Variants in C16orf96 observed in about 807,000 individuals in gnomAD.
The protein encoded by C16orf96 is uncharacterized protein C16orf96.
C16orf96 carries 108 observed loss-of-function variants against 103.6 expected under a neutral mutation model. The observed-to-expected ratio is 1.04, with a 90% confidence interval of 0.89 to 1.22. C16orf96 has a LOEUF of 1.22. Ranked by LOEUF, C16orf96 falls within the 50% of genes most tolerant of loss-of-function variation. The pLI, the probability that C16orf96 is intolerant of heterozygous loss-of-function variation, is 0.00. For missense variants in C16orf96, 1,586 were observed against 1,464.2 expected (o/e 1.08, Z -1.36); for synonymous variants, 566 against 593.5 (o/e 0.95, Z 0.67).
chr16:4,563,233 G>A lies in C16orf96; in HGVS notation c.420+6324G>A, dbSNP rs765382743. ...CTAGCAGTGGAACACCCTCTTGCTC[G>A]TTCGCTCATGACTGACTCGTTTGTT... On this transcript the variant is annotated intron_variant, in intron 1 of 15. Transcript: ENST00000444310. 188 of 522,488 alleles carry A rather than the reference G, an allele frequency of 3.6e-4. 1 individual carries two copies. The highest frequency in any genetic ancestry group is 2.0e-4 in the Admixed American group (7 of 35,118). 32.4% of individuals were successfully genotyped at this position (522,488 alleles called of 1,614,324 possible). A position where few individuals can be genotyped will look rare whatever the true frequency, so the allele number is the denominator to read the frequency against.
intron 6 of C16orf96, among the ~76,000 whole-genome samples, chr16:4,579,275 C>T (rs2059553400): frequency 6.6e-6 from 1 of 151,932 alleles, no homozygotes; most frequent in Non-Finnish European, 1.5e-5. Flanking sequence ...CAGGTGAAGC[C>T]GGTGCGGTGG....
chr16:4,580,575 G>A (rs1048479778), intron 7 of C16orf96, among the ~76,000 whole-genome samples: 10 of 151,804 alleles, frequency 6.6e-5, no homozygotes, highest in East Asian at 5.8e-4. Context: ...GGCTGGGTGC[G>A]GTGGCTCACA....
intron 9 of C16orf96, among the ~76,000 whole-genome samples, chr16:4,590,628 T>C (rs1897035312): frequency 6.6e-6 from 1 of 151,952 alleles, no homozygotes; most frequent in Admixed American, 6.6e-5. Context: ...CTCACACCTG[T>C]AATCCCAGCA....
Position 4,581,180 on chromosome 16 carries a change from AT to A in C16orf96, c.2352+1056del, listed in dbSNP as rs1567450539. On this transcript the variant is annotated intron_variant, in intron 7 of 15. Transcript: ENST00000444310. Reference sequence around the variant, plus strand: ...TATATATATATATATATATATATATATATAATTAGCCAGGCGTAGTGGCACA... The same window carrying A: ...TATATATATATATATATATATATATAATAATTAGCCAGGCGTAGTGGCACA... Among the ~76,000 whole-genome samples the A allele has an allele frequency of 7.2e-4, 93 of 128,626 alleles. 1 individual carries two copies. The highest frequency in any genetic ancestry group is 5.0e-3 in the Admixed American group (62 of 12,412). The allele number at this position is 128,626 out of a possible 152,430, so 84.4% of individuals were successfully genotyped here.
intron 12 of C16orf96, 57 bp from the exon 13 acceptor site, chr16:4,594,294 C>T: frequency 1.3e-6 from 2 of 1,532,134 alleles, no homozygotes; most frequent in Non-Finnish European, 1.8e-6. Flanking sequence ...TGGGGCCCGT[C>T]CTGGGCTCTG....
At chr16:4,555,049 G>C (rs1037641002), upstream of C16orf96, among the ~76,000 whole-genome samples, 1 of 151,772 alleles carries the variant, frequency 6.6e-6, no homozygotes, top group Non-Finnish European at 1.5e-5. Flanking sequence ...GATCACCTGA[G>C]GTCGGGAGTT....
intron 5 of C16orf96, among the ~76,000 whole-genome samples, chr16:4,578,349 GC>G: frequency 6.6e-6 from 1 of 152,028 alleles, no homozygotes; most frequent in East Asian, 2.0e-4. Flanking sequence ...TTCCATTTTG[GC>G]CAGGCTGGTC....
chr16:4,555,948 C>T (rs1389229743), upstream of C16orf96, among the ~76,000 whole-genome samples: 1 of 152,102 alleles, frequency 6.6e-6, no homozygotes, highest in Non-Finnish European at 1.5e-5. Flanking sequence ...GTCCTCCCGC[C>T]TTTGCCTCCC....
the C16orf96 span, among the ~76,000 whole-genome samples, chr16:4,545,060 G>A: frequency 6.6e-6 from 1 of 152,096 alleles, no homozygotes; most frequent in African/African-American, 2.4e-5. Context: ...ATTCATAATA[G>A]CCAAAAAGTC....
At chr16:4,564,770 C>T (rs925778552) in intron 1 of C16orf96, among the ~76,000 whole-genome samples, 16 of 152,176 alleles carry the variant, frequency 1.1e-4, no homozygotes, top group African/African-American at 3.4e-4. Context: ...GAGATCGCGC[C>T]GCTGCACTCC....
chr16:4,595,708 G>GTTGTTGT (rs890795191), intron 14 of C16orf96, among the ~76,000 whole-genome samples: 1 of 151,776 alleles, frequency 6.6e-6, no homozygotes, highest in African/African-American at 2.4e-5. Context: ...TGTTGTTGTT[G>GTTGTTGT]TTGTTTGTTT....
chr16:4,588,567 A>G (rs935113551), intron 9 of C16orf96, among the ~76,000 whole-genome samples: 1 of 152,128 alleles, frequency 6.6e-6, no homozygotes, highest in Non-Finnish European at 1.5e-5. Context: ...ATTCCCTCAC[A>G]TGGCTGTTGG....
rs978844434 is a variant in C16orf96 at position 4,556,621 on chromosome 16, A to G, written c.132A>G (p.Lys44=). The G allele has an allele frequency of 6.4e-7, 1 of 1,551,750 alleles. No individual in the cohort carries two copies. The highest frequency in any genetic ancestry group is 8.7e-7 in the Non-Finnish European group (1 of 1,146,998). ...LEHIHMAELK[K]VLSGDEDFLQ... is the part of the protein sequence containing the mutation. ...ACATCCACATGGCCGAGCTCAAGAA[A>G]GTCCTCTCAGGCGATGAGGACTTCC... Residue 44 remains lysine, a synonymous_variant, in exon 1 of 16, where the codon AAA becomes AAG. Coordinates refer to ENST00000444310, the MANE Select transcript of C16orf96 (RefSeq NM_001145011.2).
chr16:4,556,704 A>T lies in C16orf96; in HGVS notation c.215A>T (p.Asn72Ile). ...PREGDAQPIL[N>I]PMKRLSNVFD... The stretch of plus-strand genomic sequence containing the variant: ...GAAGGAGACGCCCAGCCTATCCTCA[A>T]CCCCATGAAGAGGCTCAGCAATGTC... The change falls in exon 1 of 16, where the codon AAC becomes ATC. Residue 72 changes from asparagine to isoleucine, a missense_variant. Transcript: ENST00000444310. The T allele has an allele frequency of 6.4e-7, 1 of 1,551,506 alleles. No individual in the cohort carries two copies. Among genetic ancestry groups the T allele is most frequent in the Non-Finnish European group, 8.7e-7 (1 of 1,146,926 alleles).
chr16:4,557,846 T>C (rs2059282821), intron 1 of C16orf96, among the ~76,000 whole-genome samples: 1 of 152,102 alleles, frequency 6.6e-6, no homozygotes, highest in South Asian at 2.1e-4. Context: ...ATTTTTGTAT[T>C]GTTTGTAGAG....
intron 7 of C16orf96, among the ~76,000 whole-genome samples, chr16:4,584,978 TAAG>T (rs1440705489): frequency 2.0e-5 from 3 of 151,826 alleles, no homozygotes; most frequent in African/African-American, 7.3e-5. Context: ...GCCAAAATAA[TAAG>T]ATTATAAAAC....
chr16:4,578,052 C>T (rs1359921749), intron 5 of C16orf96, among the ~76,000 whole-genome samples: 1 of 151,320 alleles, frequency 6.6e-6, no homozygotes, highest in Non-Finnish European at 1.5e-5. Context: ...CAAGACTGCA[C>T]TGGGTTATGA....
Position 4,575,175 on chromosome 16 carries a change from A to C in C16orf96, c.695A>C (p.Glu232Ala). The change falls in exon 5 of 16, where the codon GAA becomes GCA. Residue 232 changes from glutamate (E) to alanine (A), a missense_variant and splice_region_variant. Glu to Ala is a moderately radical substitution (Grantham distance 107, BLOSUM62 -1). Transcript: ENST00000444310. Reference protein sequence around the residue: ...SGLHDAMFTSEIGSSPLDLWQ... With the variant: ...SGLHDAMFTSAIGSSPLDLWQ... ...GCCCCTCTGCCCCCTCTTCTGCAGG[A>C]AATTGGTTCATCACCACTGGACCTG... The C allele has an allele frequency of 6.5e-7, 1 of 1,545,714 alleles. No individual in the cohort carries two copies. Among genetic ancestry groups the C allele is most frequent in the Non-Finnish European group, 8.7e-7 (1 of 1,146,504 alleles).
chr16:4,549,114 C>G, the C16orf96 span, among the ~76,000 whole-genome samples: 1 of 152,040 alleles, frequency 6.6e-6, no homozygotes, highest in African/African-American at 2.4e-5. Context: ...AAAAAAAGTG[C>G]ATATGAGTGT....
Sources: allele counts gnomAD v4.1 joint callset (sites outside exome capture counted in the v4.1 genomes callset), GRCh38; gene constraint gnomAD v4.1.1; transcripts MANE v1.5; gene names NCBI Gene and HGNC (gene_info 2026-07-23, HGNC 2026-07-21).